DAB1: variants seen among roughly 807,000 people sequenced by gnomAD.
DAB1 encodes the protein DAB adaptor protein 1.
DAB1 carries 15 observed loss-of-function variants against 64.6 expected under a neutral mutation model. That is an observed-to-expected ratio of 0.23 (90% confidence interval 0.16 to 0.36). The LOEUF is 0.36. DAB1 is among the 10% of genes least tolerant of loss of function. The probability of loss-of-function intolerance (pLI) is 1.00; values close to 1 mark genes in which losing one functional copy is unlikely to be tolerated. For synonymous variants in DAB1, 235 were observed against 251.9 expected, an observed-to-expected ratio of 0.93 and a Z score of 0.64; for missense variants, 596 against 706.7, an observed-to-expected ratio of 0.84 and a Z score of 1.78.
Position 58,383,922 on chromosome 1 carries a change from T to C in DAB1, n.258-40519A>G, listed in dbSNP as rs189564772. On this transcript the variant is annotated intron_variant and non_coding_transcript_variant, in intron 3 of 20. Coordinates refer to the DAB1 transcript ENST00000485760. ...GAAGTGAGATTGCTAGATCATATGG[T>C]AGTTCTATTTTTAATTTTTGAGGAA... 7.9e-5 allele frequency among the ~76,000 whole-genome samples: 12 copies of C among 152,302 alleles called. No individual in the cohort carries two copies. The East Asian group carries it at 2.3e-3, about 29-fold the overall frequency.
At chr1:57,037,600 C>A (rs1647214259) in intron 9 of DAB1, among the ~76,000 whole-genome samples, 1 of 152,216 alleles carries the variant, frequency 6.6e-6, no homozygotes, top group African/African-American at 2.4e-5. Flanking sequence ...TTAAGGACAC[C>A]TACAGATTCC....
At position 57,685,388 on chromosome 1, in the gene DAB1, C is replaced by T. The variant is rs141697498; in HGVS notation, n.552-35723G>A. On this transcript the variant is annotated intron_variant and non_coding_transcript_variant, in intron 6 of 20. Transcript: ENST00000485760. ...GTCTCCTAAATATACATGCACTCAA[C>T]GATTGGAGCACCCAGATTTATAAAA... 2.2e-3 allele frequency among the ~76,000 whole-genome samples: 337 copies of T among 152,180 alleles called. 1 individual carries two copies. The highest frequency in any genetic ancestry group is 7.1e-3 in the African/African-American group (296 of 41,540).
At chr1:58,349,550 C>T (rs115488953) in intron 3 of DAB1, among the ~76,000 whole-genome samples, 2,390 of 152,054 alleles carry the variant, frequency 0.016, 67 homozygotes, top group African/African-American at 0.055. Flanking sequence ...TGGTGGTTTG[C>T]TGCACCCATA....
rs201161948 is a variant in DAB1 at position 58,539,222 on chromosome 1, A to G, written n.32+7481T>C. 90 of 872,376 alleles carry G rather than the reference A, an allele frequency of 1.0e-4. No homozygotes were observed. The Admixed American group carries it at 1.5e-3, about 14-fold the overall frequency. 54.0% of individuals were successfully genotyped at this position (872,376 alleles called of 1,614,324 possible). Reference sequence around the variant, plus strand: ...GATGCTAATGTGTTACATTTTCTCCAGTTAGACAGTGAATTAAATCGGAAG... The same window carrying G: ...GATGCTAATGTGTTACATTTTCTCCGGTTAGACAGTGAATTAAATCGGAAG... On this transcript the variant is annotated intron_variant and non_coding_transcript_variant, in intron 1 of 20. Coordinates refer to the DAB1 transcript ENST00000485760.
At chr1:58,470,198 G>C (rs2100328489) in intron 3 of DAB1, among the ~76,000 whole-genome samples, 1 of 150,504 alleles carries the variant, frequency 6.6e-6, no homozygotes, top group Admixed American at 6.6e-5. Context: ...TTTTGAGATG[G>C]AGTCTCATTC....
At chr1:57,778,737 T>C (rs909075203) in intron 6 of DAB1, among the ~76,000 whole-genome samples, 1 of 152,162 alleles carries the variant, frequency 6.6e-6, no homozygotes, top group African/African-American at 2.4e-5. Context: ...ATTTGTAAAA[T>C]TGTGATTATG....
rs79212110 is a variant in DAB1 at position 57,237,300 on chromosome 1, G to A, written c.67+53664C>T. Among the ~76,000 whole-genome samples, 209 of 152,254 alleles carry A rather than the reference G, an allele frequency of 1.4e-3. 5 individuals are homozygous for A. The East Asian group carries it at 0.039, about 28-fold the overall frequency. On this transcript the variant is annotated intron_variant, in intron 2 of 14. Coordinates refer to ENST00000371236, the MANE Select transcript of DAB1 (RefSeq NM_001365792.1). ...GATAAAAGACAACCTGTCCCCATGG[G>A]GAGACAATTCATCTTTTCTTAGGGA...
chr1:58,243,418 C>G (rs1225259325), intron 4 of DAB1, among the ~76,000 whole-genome samples: 1 of 152,070 alleles, frequency 6.6e-6, no homozygotes, highest in Non-Finnish European at 1.5e-5. Context: ...AGTCCGCCTG[C>G]CCCTTTGAGA....
intron 3 of DAB1, among the ~76,000 whole-genome samples, chr1:58,436,910 C>T (rs6672266): frequency 0.44 from 67,268 of 152,090 alleles, 15,636 homozygotes; most frequent in Middle Eastern, 0.51. Flanking sequence ...TTCATCCCCA[C>T]ACTCAAGCAG....
chr1:57,906,621 G>A (rs991193685), intron 5 of DAB1, among the ~76,000 whole-genome samples: 1 of 152,164 alleles, frequency 6.6e-6, no homozygotes, highest in Non-Finnish European at 1.5e-5. Flanking sequence ...TAGCAGGATA[G>A]AAGGTGAAAG....
Position 57,811,274 on chromosome 1 carries a change from G to A in DAB1, n.551+72725C>T, listed in dbSNP as rs778082528. Among the ~76,000 whole-genome samples, 76 of 152,214 alleles carry A rather than the reference G, an allele frequency of 5.0e-4. 1 individual carries two copies. Among genetic ancestry groups the A allele is most frequent in the Non-Finnish European group, 7.1e-4 (48 of 68,036 alleles). Reference sequence around the variant, plus strand: ...CCCAATGTCGAAGGTGGGGGCTGGTGGAAGGTGATTAGATCACGGGGGTGG... The same window carrying A: ...CCCAATGTCGAAGGTGGGGGCTGGTAGAAGGTGATTAGATCACGGGGGTGG... On this transcript the variant is annotated intron_variant and non_coding_transcript_variant, in intron 6 of 20. Coordinates refer to the DAB1 transcript ENST00000485760.
At chr1:58,272,736 T>C (rs985393725) in intron 4 of DAB1, among the ~76,000 whole-genome samples, 18 of 152,114 alleles carry the variant, frequency 1.2e-4, no homozygotes, top group African/African-American at 4.1e-4. Context: ...ATATTTAGGA[T>C]AGTTAGCTCT....
At chr1:57,706,934 C>A (rs1056212671) in intron 6 of DAB1, among the ~76,000 whole-genome samples, 2 of 151,852 alleles carry the variant, frequency 1.3e-5, no homozygotes, top group South Asian at 4.2e-4. Flanking sequence ...ATTAGCCGGG[C>A]GTGGTGGCAG....
intron 7 of DAB1, among the ~76,000 whole-genome samples, chr1:57,627,361 C>A (rs1645934779): frequency 6.6e-6 from 1 of 152,190 alleles, no homozygotes; most frequent in African/African-American, 2.4e-5. Context: ...TAATAAATCT[C>A]TTCCTATATA....
At chr1:57,094,191 G>A (rs990516885) in intron 4 of DAB1, among the ~76,000 whole-genome samples, 1 of 151,334 alleles carries the variant, frequency 6.6e-6, no homozygotes, top group African/African-American at 2.4e-5. Context: ...AACTGAATGT[G>A]GTTTCTCTCA....
intron 2 of DAB1, among the ~76,000 whole-genome samples, chr1:58,517,426 C>T (rs1214712591): frequency 6.6e-6 from 1 of 152,170 alleles, no homozygotes; most frequent in Admixed American, 6.5e-5. Flanking sequence ...CACCTATCAA[C>T]ATCTTCATCA....
rs180965124 is a variant in DAB1, at chr1:57,731,641, C to T, written n.552-81976G>A. Reference sequence around the variant, plus strand: ...CCAACGTGGTGAAATCCCGTCTCTACTAAATATACAAAAATTAGCCAGGCA... The same window carrying T: ...CCAACGTGGTGAAATCCCGTCTCTATTAAATATACAAAAATTAGCCAGGCA... On this transcript the variant is annotated intron_variant and non_coding_transcript_variant, in intron 6 of 20. Transcript: ENST00000485760. Among the ~76,000 whole-genome samples, 8 of 152,094 alleles carry T rather than the reference C, an allele frequency of 5.3e-5. No homozygotes were observed. In the East Asian group the frequency reaches 1.4e-3, roughly 26 times the overall value.
In DAB1 at chr1:57,069,519, C is replaced by A. The variant is rs77710824; in HGVS notation, c.598-94G>T. The A allele has an allele frequency of 1.4e-5, 15 of 1,042,980 alleles. No individual in the cohort carries two copies. In the African/African-American group the frequency reaches 2.4e-4, roughly 16 times the overall value. The allele number at this position is 1,042,980 out of a possible 1,614,324, so 64.6% of individuals were successfully genotyped here. ...AAATTAAGATACAAATCACAGCGAG[C>A]ATTAACGAAGCAGGCACAAGAGAAA... On this transcript the variant is annotated intron_variant, in intron 7 of 14. Transcript: ENST00000371236.
intron 1 of DAB1, among the ~76,000 whole-genome samples, chr1:57,368,556 C>T (rs541030259): frequency 3.3e-5 from 5 of 152,228 alleles, no homozygotes; most frequent in South Asian, 4.2e-4. Context: ...CTCCTCTCTG[C>T]GGAGTGCTCC....
Sources: allele counts gnomAD v4.1 joint callset (sites outside exome capture counted in the v4.1 genomes callset), GRCh38; gene constraint gnomAD v4.1.1; transcripts MANE v1.5; gene names NCBI Gene and HGNC (gene_info 2026-07-23, HGNC 2026-07-21).